PCDHGA7: variants seen among roughly 807,000 people sequenced by gnomAD.
PCDHGA7 encodes protocadherin gamma subfamily A, 7, also known as protocadherin gamma-A7.
A neutral mutation model predicts 58.3 loss-of-function variants in PCDHGA7; 44 were observed. The observed-to-expected ratio is 0.75, with a 90% confidence interval of 0.59 to 0.97. PCDHGA7 has a LOEUF of 0.97. Among genes scored for constraint, PCDHGA7 ranks in the 50% least tolerant of loss-of-function variants. The pLI, the probability that PCDHGA7 is intolerant of heterozygous loss-of-function variation, is 0.00. For synonymous variants in PCDHGA7, 516 were observed against 504.2 expected (o/e 1.02, Z -0.31); for missense variants, 1,266 against 1,188.7 (o/e 1.06, Z -0.96).
rs914637211 is a variant in PCDHGA7, at chr5:141,422,245, G to C, written c.2424+36922G>C. The C allele has an allele frequency of 2.2e-5, 34 of 1,566,540 alleles. No individual in the cohort carries two copies. Among genetic ancestry groups the C allele is most frequent in the Non-Finnish European group, 2.8e-5 (32 of 1,162,588 alleles). On this transcript the variant is annotated intron_variant, in intron 1 of 3. Coordinates refer to ENST00000518325, the MANE Select transcript of PCDHGA7 (RefSeq NM_018920.4). ...CACGACGATGTTGATCACTGTTGTG[G>C]ATGTGAATGATAACGCTCCAGAAAT...
intron 1 of PCDHGA7, chr5:141,394,727 C>T (rs971156422): frequency 1.2e-6 from 2 of 1,613,318 alleles, no homozygotes; most frequent in African/African-American, 1.3e-5. Context: ...GAGATGCGCT[C>T]AAGCAGAGCC....
intron 1 of PCDHGA7, among the ~76,000 whole-genome samples, chr5:141,449,229 A>G (rs1356585763): frequency 1.3e-5 from 2 of 152,142 alleles, no homozygotes; most frequent in South Asian, 2.1e-4. Context: ...AATGATTTCA[A>G]ATTTTCAAAG....
intron 1 of PCDHGA7, among the ~76,000 whole-genome samples, chr5:141,438,764 C>A (rs963627140): frequency 6.7e-6 from 1 of 148,638 alleles, no homozygotes; most frequent in Non-Finnish European, 1.5e-5. Flanking sequence ...TGGGTTCAAG[C>A]GATTCTCCTG....
intron 1 of PCDHGA7, among the ~76,000 whole-genome samples, chr5:141,466,776 C>T (rs2099129231): frequency 6.6e-6 from 1 of 152,104 alleles, no homozygotes; most frequent in African/African-American, 2.4e-5. Flanking sequence ...TTATCTTATT[C>T]TTCTTAGTGC....
Position 141,384,360 on chromosome 5 carries a change from C to T in PCDHGA7, c.1461C>T (p.Ile487=), listed in dbSNP as rs1321195409. The change falls in exon 1 of 4, where the codon ATC becomes ATT. Residue 487 remains isoleucine, a synonymous_variant. Transcript: ENST00000518325. ...ACGACAGTGAGGATAATGCCCAGAT[C>T]ACTTATTCCTTGGCCGAAGACACCA... is the stretch of plus-strand genomic sequence containing the variant. ...QDHDSEDNAQ[I]TYSLAEDTIQ... 1.2e-6 allele frequency: 2 copies of T among 1,613,902 alleles called. No individual in the cohort carries two copies. Among genetic ancestry groups the T allele is most frequent in the Non-Finnish European group, 1.7e-6 (2 of 1,179,898 alleles).
chr5:141,418,928 A>T (rs762769886), intron 1 of PCDHGA7: 1 of 1,613,978 alleles, frequency 6.2e-7, no homozygotes, highest in East Asian at 2.2e-5. Context: ...TGATCAGATT[A>T]TGGAGGATTC....
In PCDHGA7 at chr5:141,384,834, C is replaced by G. The variant is rs369584315; in HGVS notation, c.1935C>G (p.Ala645=). The G allele has an allele frequency of 1.2e-6, 2 of 1,613,478 alleles. No individual in the cohort carries two copies. Among genetic ancestry groups the G allele is most frequent in the Non-Finnish European group, 1.7e-6 (2 of 1,179,900 alleles). ...CCCTCAAGCAGAGCCTCGTGGTGGC[C>G]GTCCAGGACCACGGTCAGCCTCCTC... The part of the protein sequence containing the change: ...RDALKQSLVV[A]VQDHGQPPLS... The change falls in exon 1 of 4, where the codon GCC becomes GCG. Residue 645 remains alanine (A), a synonymous_variant. Coordinates refer to ENST00000518325, the MANE Select transcript of PCDHGA7 (RefSeq NM_018920.4).
At chr5:141,394,072 T>C (rs1384581843) in intron 1 of PCDHGA7, 4 of 1,613,840 alleles carry the variant, frequency 2.5e-6, no homozygotes, top group Non-Finnish European at 3.4e-6. Context: ...ATCTACAATA[T>C]CACAGTGATG....
chr5:141,389,605 A>G (rs1370742468), intron 1 of PCDHGA7: 2 of 1,613,092 alleles, frequency 1.2e-6, no homozygotes, highest in Non-Finnish European at 1.7e-6. Flanking sequence ...GCGCTCTTCG[A>G]TATGGTGCCG....
At position 141,400,132 on chromosome 5, in the gene PCDHGA7, C is replaced by T. The variant is rs762060556; in HGVS notation, c.2424+14809C>T. 6.3e-5 allele frequency: 101 copies of T among 1,613,964 alleles called. No individual in the cohort carries two copies. The highest frequency in any genetic ancestry group is 8.4e-5 in the Non-Finnish European group (99 of 1,179,904). On this transcript the variant is annotated intron_variant, in intron 1 of 3. Coordinates refer to ENST00000518325, the MANE Select transcript of PCDHGA7 (RefSeq NM_018920.4). ...TGCTGACAGCTTGCAGGAGGTGCTG[C>T]CGGATATCACTGACCGCCCTGTACC...
chr5:141,399,813 G>T (rs985564503), intron 1 of PCDHGA7: 1 of 1,613,080 alleles, frequency 6.2e-7, no homozygotes, highest in Admixed American at 1.7e-5. Flanking sequence ...TGTACCCCGC[G>T]CTGGGTCCCG....
intron 2 of PCDHGA7, among the ~76,000 whole-genome samples, chr5:141,504,141 T>C (rs1289360763): frequency 6.6e-6 from 1 of 152,192 alleles, no homozygotes; most frequent in East Asian, 1.9e-4. Flanking sequence ...AACACTCCCC[T>C]GCAAATTGAA....
rs1383420491 is a variant in PCDHGA7 at position 141,384,736 on chromosome 5, G to A, written c.1837G>A (p.Glu613Lys). The change falls in exon 1 of 4, where the codon GAG (glutamate) becomes AAG (lysine). Residue 613 changes from glutamate to lysine, a missense_variant. Glu to Lys is a moderately conservative substitution (Grantham distance 56, BLOSUM62 1). Transcript: ENST00000518325. ...WLSYLLLKAS[E>K]PGLFAVGLYT... is the part of the protein sequence containing the mutation. ...GTCATACCTCCTGCTTAAGGCCAGC[G>A]AGCCAGGACTCTTTGCGGTTGGGCT... 3.7e-6 allele frequency: 6 copies of A among 1,613,938 alleles called. No homozygotes were observed. Among genetic ancestry groups the A allele is most frequent in the African/African-American group, 2.7e-5 (2 of 74,932 alleles).
At position 141,410,559 on chromosome 5, in the gene PCDHGA7, G is replaced by A. The variant is rs1239897819; in HGVS notation, c.2424+25236G>A. 9.9e-6 allele frequency: 16 copies of A among 1,612,722 alleles called. No individual in the cohort carries two copies. Among genetic ancestry groups the A allele is most frequent in the African/African-American group, 5.3e-5 (4 of 74,894 alleles). On this transcript the variant is annotated intron_variant, in intron 1 of 3. Transcript: ENST00000518325. ...GACATGGTTTGCAGTGTTTCTCCTG[G>A]AGCCTTAATTCCACCTCATGGTGGG...
intron 1 of PCDHGA7, among the ~76,000 whole-genome samples, chr5:141,492,808 A>C (rs1261752522): frequency 6.6e-6 from 1 of 152,252 alleles, no homozygotes; most frequent in African/African-American, 2.4e-5. Flanking sequence ...CTGGGACTCC[A>C]GTGGCACCAG....
At chr5:141,406,255 A>G (rs1456869005) in intron 1 of PCDHGA7, among the ~76,000 whole-genome samples, 1 of 151,948 alleles carries the variant, frequency 6.6e-6, no homozygotes, top group Admixed American at 6.5e-5. Context: ...ACTGGTCTCA[A>G]ACGATCTTCC....
At chr5:141,506,898 T>C (rs2099857040) in intron 3 of PCDHGA7, among the ~76,000 whole-genome samples, 1 of 152,260 alleles carries the variant, frequency 6.6e-6, no homozygotes, top group East Asian at 1.9e-4. Context: ...AGAAGCACTG[T>C]CATCACACCT....
intron 1 of PCDHGA7, chr5:141,414,112 T>C (rs967826724): frequency 1.3e-6 from 2 of 1,592,428 alleles, no homozygotes; most frequent in African/African-American, 2.7e-5. Context: ...AAATCTAGAT[T>C]ATGAAGAAAC....
chr5:141,502,577 A>G (rs1260539435), intron 2 of PCDHGA7, among the ~76,000 whole-genome samples: 2 of 152,192 alleles, frequency 1.3e-5, no homozygotes, highest in African/African-American at 4.8e-5. Context: ...TTATAAAAAT[A>G]TATTTTTATA....
Sources: gnomAD v4.1 joint callset for allele counts (sites outside exome capture counted in the v4.1 genomes callset) on GRCh38, gnomAD v4.1.1 for gene constraint, MANE v1.5 for transcripts, NCBI Gene and HGNC (gene_info 2026-07-23, HGNC 2026-07-21) for gene names.